The following ROBO2 variants were observed in gnomAD, a reference collection of about 807,000 sequenced individuals.
The protein encoded by ROBO2 is roundabout guidance receptor 2, also known as roundabout homolog 2.
ROBO2 carries 53 observed loss-of-function variants against 160.8 expected under a neutral mutation model. That is an observed-to-expected ratio of 0.33 (90% confidence interval 0.26 to 0.41). ROBO2 has a LOEUF of 0.41. Among genes scored for constraint, ROBO2 ranks in the 10% least tolerant of loss-of-function variants. ROBO2 has a pLI of 1.00. For missense variants in ROBO2, 1,577 were observed against 1,722.4 expected (o/e 0.92, Z 1.49); for synonymous variants, 664 against 611.7 (o/e 1.09, Z -1.26).
At chr3:77,150,421 T>C (rs182823043) in intron 2 of ROBO2, among the ~76,000 whole-genome samples, 50 of 152,334 alleles carry the variant, frequency 3.3e-4, no homozygotes, top group Middle Eastern at 3.4e-3. Context: ...TGAGGTTTCA[T>C]ATTTATTTGT....
intron 2 of ROBO2, among the ~76,000 whole-genome samples, chr3:77,205,574 C>G (rs2083354136): frequency 1.3e-5 from 2 of 151,954 alleles, no homozygotes; most frequent in South Asian, 4.2e-4. Flanking sequence ...GCCTATTCCC[C>G]CTAAGGGCAG....
intron 2 of ROBO2, among the ~76,000 whole-genome samples, chr3:76,293,566 A>G (rs1015166625): frequency 1.3e-5 from 2 of 152,224 alleles, no homozygotes; most frequent in Admixed American, 6.5e-5. Flanking sequence ...ACAGCATGGT[A>G]TAATCAGACA....
rs151113970 is a variant in ROBO2 at position 76,749,910 on chromosome 3, C to T, written c.110-348104C>T. ...CCATTCCTTCTGCAACTATTCCAAT[C>T]GACAGGAAAAGAGGGAATCCTCCCT... On this transcript the variant is annotated intron_variant, in intron 2 of 26. Transcript: ENST00000487694. 1.4e-4 allele frequency among the ~76,000 whole-genome samples: 21 copies of T among 152,120 alleles called. No homozygotes were observed. In the South Asian group the frequency reaches 3.1e-3, roughly 23 times the overall value.
chr3:76,992,803 A>G (rs1446336721), intron 2 of ROBO2, among the ~76,000 whole-genome samples: 1 of 151,992 alleles, frequency 6.6e-6, no homozygotes, highest in Non-Finnish European at 1.5e-5. Context: ...CTAAAACATA[A>G]AAAGTCAAAG....
chr3:76,453,719 A>G (rs1002152839), intron 2 of ROBO2, among the ~76,000 whole-genome samples: 2 of 152,164 alleles, frequency 1.3e-5, no homozygotes, highest in African/African-American at 4.8e-5. Flanking sequence ...TGTCATGGGC[A>G]TGCAATTAGG....
In ROBO2 at chr3:76,333,566, T is replaced by G. The variant is rs562505621; in HGVS notation, c.109+395964T>G. Among the ~76,000 whole-genome samples the G allele has an allele frequency of 4.4e-4, 67 of 152,310 alleles. 1 individual carries two copies. The South Asian group carries it at 0.014, about 31-fold the overall frequency. On this transcript the variant is annotated intron_variant, in intron 2 of 26. Transcript: ENST00000487694. Reference sequence around the variant, plus strand: ...GGTTGCTGATCTTAAGGAGCCTCAATGATTGCTATAAAGAGTTGTTTATAA... The same window carrying G: ...GGTTGCTGATCTTAAGGAGCCTCAAGGATTGCTATAAAGAGTTGTTTATAA...
At chr3:76,772,972 T>C (rs774587) in intron 2 of ROBO2, among the ~76,000 whole-genome samples, 126,844 of 150,988 alleles carry the variant, frequency 0.84, 53,400 homozygotes, top group Admixed American at 0.86. Flanking sequence ...TAAAGTACTA[T>C]GGTGACAGTC....
At chr3:77,635,277 T>G (rs1309475885) in intron 24 of ROBO2, among the ~76,000 whole-genome samples, 1 of 10,746 alleles carries the variant, frequency 9.3e-5, no homozygotes, top group Non-Finnish European at 1.5e-4. Context: ...TGAGGTTGAT[T>G]TTTTTTTTTT....
chr3:76,988,388 G>T (rs959513383), intron 2 of ROBO2, among the ~76,000 whole-genome samples: 1 of 152,096 alleles, frequency 6.6e-6, no homozygotes, highest in Non-Finnish European at 1.5e-5. Flanking sequence ...AATAAGTCAG[G>T]CTAAAAAGCA....
intron 2 of ROBO2, among the ~76,000 whole-genome samples, chr3:76,828,959 G>A (rs1032197960): frequency 1.1e-4 from 16 of 151,722 alleles, no homozygotes; most frequent in African/African-American, 3.9e-4. Context: ...CTTGCCTTCC[G>A]GTCTACATCC....
At chr3:77,552,438 C>T (rs1447843) in intron 8 of ROBO2, among the ~76,000 whole-genome samples, 85,017 of 151,822 alleles carry the variant, frequency 0.56, 23,871 homozygotes, top group Middle Eastern at 0.68. Flanking sequence ...TGACTGTTAT[C>T]GTTCATAAAA....
At chr3:76,868,242 A>G (rs967247974) in intron 2 of ROBO2, among the ~76,000 whole-genome samples, 3 of 152,146 alleles carry the variant, frequency 2.0e-5, no homozygotes, top group Non-Finnish European at 4.4e-5. Context: ...TGAAACACCT[A>G]CAGTTCTTCT....
chr3:77,506,525 C>A (rs1043390628), intron 5 of ROBO2, among the ~76,000 whole-genome samples: 2 of 152,042 alleles, frequency 1.3e-5, no homozygotes, highest in Admixed American at 6.6e-5. Context: ...TTGCTTCCCC[C>A]ATTTCCTGAT....
At chr3:76,830,811 T>A (rs1322374215) in intron 2 of ROBO2, among the ~76,000 whole-genome samples, 2 of 132,530 alleles carry the variant, frequency 1.5e-5, no homozygotes, top group Non-Finnish European at 1.6e-5. Flanking sequence ...ACCTCATTTC[T>A]AAAAAAAAAA....
intron 2 of ROBO2, among the ~76,000 whole-genome samples, chr3:77,149,123 C>A (rs2077353668): frequency 6.6e-6 from 1 of 151,218 alleles, no homozygotes; most frequent in African/African-American, 2.4e-5. Context: ...GCAACCTCTG[C>A]CCCCTGGGTT....
chr3:76,586,778 T>C (rs1290861441), intron 2 of ROBO2, among the ~76,000 whole-genome samples: 1 of 152,226 alleles, frequency 6.6e-6, no homozygotes, highest in Admixed American at 6.5e-5. Flanking sequence ...TATGAGGTTT[T>C]ACTTTAAGCT....
intron 2 of ROBO2, among the ~76,000 whole-genome samples, chr3:76,559,194 A>G (rs887757653): frequency 6.6e-6 from 1 of 152,094 alleles, no homozygotes; most frequent in East Asian, 1.9e-4. Flanking sequence ...CTGGTGTGTG[A>G]ATTTTTGTAT....
At chr3:76,110,353 A>G (rs1358281302) in intron 2 of ROBO2, among the ~76,000 whole-genome samples, 1 of 152,106 alleles carries the variant, frequency 6.6e-6, no homozygotes, top group African/African-American at 2.4e-5. Context: ...CATGACAGCT[A>G]TTAGCAAGCT....
In ROBO2 at chr3:76,905,127, G is replaced by T. The variant is rs144987089; in HGVS notation, c.110-192887G>T. On this transcript the variant is annotated intron_variant, in intron 2 of 26. Transcript: ENST00000487694. ...TCTCTCTTAGACATTACTTTGCAAG[G>T]ATATGGGTTAGATAAACGAGTGGGA... Among the ~76,000 whole-genome samples, 549 of 152,200 alleles carry T rather than the reference G, an allele frequency of 3.6e-3. 10 individuals are homozygous for T. Among genetic ancestry groups the T allele is most frequent in the East Asian group, 0.019 (97 of 5,162 alleles).
Sources: gnomAD v4.1 joint callset for allele counts (sites outside exome capture counted in the v4.1 genomes callset) on GRCh38, gnomAD v4.1.1 for gene constraint, MANE v1.5 for transcripts, NCBI Gene and HGNC (gene_info 2026-07-23, HGNC 2026-07-21) for gene names.